Variants in RNF128 observed in about 807,000 individuals in gnomAD.
RNF128 encodes E3 ubiquitin-protein ligase RNF128.
RNF128 carries 13 observed loss-of-function variants against 26.2 expected under a neutral mutation model. The ratio of observed to expected loss-of-function variants is 0.50; its 90% CI spans 0.32 to 0.79. The LOEUF (loss-of-function observed/expected upper bound fraction) is 0.79. RNF128 is among the 30% of genes least tolerant of loss of function. RNF128 has a pLI of 0.03. For missense variants in RNF128, 315 were observed against 349.7 expected (o/e 0.90, Z 0.79); for synonymous variants, 149 against 142.5 (o/e 1.05, Z -0.32).
chrX:106,785,742 A>G (rs1398010676), intron 3 of RNF128, among the ~76,000 whole-genome samples: 1 of 112,457 alleles, frequency 8.9e-6, no homozygotes, highest in Non-Finnish European at 1.9e-5. Context: ...AACTAATACA[A>G]TGCTTTAGTG....
chrX:106,701,828 A>G (rs1928962559), intron 1 of RNF128, among the ~76,000 whole-genome samples: 1 of 111,674 alleles, frequency 9.0e-6, no homozygotes, highest in African/African-American at 3.2e-5. Flanking sequence ...TAAAATAGAA[A>G]TATATGGGCA....
chrX:106,735,753 C>T (rs1357090644), intron 1 of RNF128, among the ~76,000 whole-genome samples: 1 of 111,421 alleles, frequency 9.0e-6, no homozygotes, highest in Non-Finnish European at 1.9e-5. Flanking sequence ...GCTATCTAAT[C>T]CATATGATAG....
Position 106,740,460 on chromosome X carries a change from A to G in RNF128, c.484+13063A>G, listed in dbSNP as rs1602374511. On this transcript the variant is annotated intron_variant, in intron 1 of 6. Coordinates refer to ENST00000255499, the MANE Select transcript of RNF128 (RefSeq NM_194463.2). ...CCCAGTTTCATTGTAAGTCTAGGCT[A>G]TGACCTATGCCTGTACCCATATGTT... Among the ~76,000 whole-genome samples, 6 of 112,322 alleles carry G rather than the reference A, an allele frequency of 5.3e-5. No individual in the cohort carries two copies. In the South Asian group the frequency reaches 1.9e-3, roughly 35 times the overall value.
intron 2 of RNF128, among the ~76,000 whole-genome samples, chrX:106,777,143 C>T: frequency 9.0e-6 from 1 of 111,528 alleles, no homozygotes; most frequent in Non-Finnish European, 1.9e-5. Flanking sequence ...ATTCAACTAT[C>T]TTATATAAAT....
chrX:106,741,628 T>C lies in RNF128; in HGVS notation c.484+14231T>C, dbSNP rs1042815119. ...GTCTTGTCTAGATATGCCATCTTTATATAGAGAGAGGACGCACACCTTAGA... is the reference window on the plus strand; with the variant it reads ...GTCTTGTCTAGATATGCCATCTTTACATAGAGAGAGGACGCACACCTTAGA... On this transcript the variant is annotated intron_variant, in intron 1 of 6. Coordinates refer to ENST00000255499, the MANE Select transcript of RNF128 (RefSeq NM_194463.2). Among the ~76,000 whole-genome samples the C allele has an allele frequency of 2.7e-5, 3 of 112,287 alleles. No individual in the cohort carries two copies. The Admixed American group carries it at 2.9e-4, about 11-fold the overall frequency.
intron 1 of RNF128, among the ~76,000 whole-genome samples, chrX:106,766,678 G>A (rs1468555229): frequency 3.6e-5 from 4 of 111,767 alleles, no homozygotes. Flanking sequence ...TGTTCACTCT[G>A]ACGGTAGTTT....
At chrX:106,729,186 A>G (rs1929460030) in intron 1 of RNF128, among the ~76,000 whole-genome samples, 1 of 111,552 alleles carries the variant, frequency 9.0e-6, no homozygotes, top group African/African-American at 3.3e-5. Context: ...CTTGGCTCCC[A>G]CTATATGCCA....
intron 1 of RNF128, among the ~76,000 whole-genome samples, chrX:106,727,734 T>C (rs1929430581): frequency 9.0e-6 from 1 of 111,466 alleles, no homozygotes; most frequent in South Asian, 3.8e-4. Flanking sequence ...CATCGGGTCT[T>C]AAATGACCGA....
chrX:106,727,228 C>T lies in RNF128; in HGVS notation c.315C>T (p.Pro105=). ...ACCCGCACACGAATTTCACGGTGCCCACGGTTTGGGGAAGCACCGTGCAAG... is the reference window on the plus strand; with the variant it reads ...ACCCGCACACGAATTTCACGGTGCCTACGGTTTGGGGAAGCACCGTGCAAG... ...ACNPHTNFTV[P]TVWGSTVQVS... is the part of the protein sequence containing the mutation. The change falls in exon 1 of 7, where the codon CCC becomes CCT. Residue 105 remains proline (P), a synonymous_variant. Coordinates refer to ENST00000255499, the MANE Select transcript of RNF128 (RefSeq NM_194463.2). The T allele has an allele frequency of 1.7e-6, 2 of 1,211,570 alleles. No homozygotes were observed. The highest frequency in any genetic ancestry group is 2.2e-6 in the Non-Finnish European group (2 of 895,363).
At chrX:106,714,960 G>A (rs1929189439) in intron 1 of RNF128, among the ~76,000 whole-genome samples, 1 of 111,975 alleles carries the variant, frequency 8.9e-6, no homozygotes. Context: ...CTCACTGAAG[G>A]ATATTTAGGT....
intron 1 of RNF128, among the ~76,000 whole-genome samples, chrX:106,766,051 C>CAT (rs1303699360): frequency 7.4e-4 from 82 of 110,219 alleles, no homozygotes; most frequent in African/African-American, 2.6e-3. Flanking sequence ...ATGAACTCAT[C>CAT]TTTTTATGGC....
rs771572334 is a variant in RNF128 at position 106,694,200 on chromosome X, G to T, written c.198G>T (p.Val66=). 4.3e-5 allele frequency: 52 copies of T among 1,206,773 alleles called. No individual in the cohort carries two copies. In the South Asian group the frequency reaches 8.3e-4, roughly 19 times the overall value. ...CACCAGTGGCTAATGCTATGGGAGT[G>T]GTAGGCATCCCTAAGAACAATAACT... Residue 66 remains valine (V), a synonymous_variant, in exon 1 of 7, where the codon GTG becomes GTT. Transcript: ENST00000324342.
intron 1 of RNF128, among the ~76,000 whole-genome samples, chrX:106,769,888 C>T (rs938150691): frequency 1.8e-5 from 2 of 111,094 alleles, no homozygotes; most frequent in Admixed American, 1.9e-4. Flanking sequence ...TGGCTGGTAC[C>T]AGTTGTTCCT....
chrX:106,696,801 G>A lies in RNF128; in HGVS notation c.406+2393G>A, dbSNP rs183645359. ...AGTGCTCTCCAGCCAAAGACCGCTA[G>A]CAACAGACCTGTAGTTTAAAAAGGT... On this transcript the variant is annotated intron_variant, in intron 1 of 6. Coordinates refer to the RNF128 transcript ENST00000324342. Among the ~76,000 whole-genome samples the A allele has an allele frequency of 1.1e-3, 121 of 111,683 alleles. 1 individual carries two copies. In the Middle Eastern group the frequency reaches 0.018, roughly 17 times the overall value.
At chrX:106,772,160 A>G (rs1481140133) in intron 1 of RNF128, among the ~76,000 whole-genome samples, 1 of 111,836 alleles carries the variant, frequency 8.9e-6, no homozygotes, top group Non-Finnish European at 1.9e-5. Flanking sequence ...TTTCCACAAA[A>G]CTTATATAAT....
intron 3 of RNF128, among the ~76,000 whole-genome samples, chrX:106,786,331 C>A (rs372846703): frequency 8.1e-5 from 9 of 111,295 alleles, no homozygotes; most frequent in African/African-American, 2.9e-4. Flanking sequence ...AAAGGATAGC[C>A]TTTTCAGGAG....
At chrX:106,722,482 A>C (rs1929330639), upstream of RNF128, among the ~76,000 whole-genome samples, 1 of 111,933 alleles carries the variant, frequency 8.9e-6, no homozygotes, top group Admixed American at 9.4e-5. Flanking sequence ...TCTTGGTAGC[A>C]AGGCTCTGTT....
intron 1 of RNF128, among the ~76,000 whole-genome samples, chrX:106,744,248 A>G (rs1054497591): frequency 3.1e-4 from 35 of 111,605 alleles, no homozygotes; most frequent in Non-Finnish European, 5.6e-4. Context: ...TTAAAGTATA[A>G]TAAAAAAAAG....
intron 1 of RNF128, among the ~76,000 whole-genome samples, chrX:106,745,264 C>A (rs1929775233): frequency 9.0e-6 from 1 of 111,442 alleles, no homozygotes; most frequent in Non-Finnish European, 1.9e-5. Flanking sequence ...TAGCTATGTG[C>A]CTTTGTTGAT....
Sources: allele counts gnomAD v4.1 joint callset (sites outside exome capture counted in the v4.1 genomes callset), GRCh38; gene constraint gnomAD v4.1.1; transcripts MANE v1.5; gene names NCBI Gene and HGNC (gene_info 2026-07-23, HGNC 2026-07-21).